Variants in SEMA6D observed in about 807,000 individuals in gnomAD.
The protein encoded by SEMA6D is semaphorin-6D.
A neutral mutation model predicts 106.6 loss-of-function variants in SEMA6D; 35 were observed. The observed-to-expected ratio is 0.33, with a 90% CI of 0.25 to 0.44. SEMA6D has a LOEUF of 0.44. Ranked by LOEUF, SEMA6D falls within the 20% of genes least tolerant of loss-of-function variation. SEMA6D has a pLI of 1.00. For synonymous variants in SEMA6D, 499 were observed against 487.7 expected, an observed-to-expected ratio of 1.02 and a Z score of -0.31; for missense variants, 1,185 against 1,345.9, an observed-to-expected ratio of 0.88 and a Z score of 1.87.
At chr15:47,274,845 C>T (rs1030643521) in intron 1 of SEMA6D, 2 of 152,186 alleles carry the variant, frequency 1.3e-5, no homozygotes, top group African/African-American at 4.8e-5. Flanking sequence ...ATGGTCCACT[C>T]TTTCAGCAGG....
chr15:47,213,274 G>A (rs1385398828), intron 1 of SEMA6D, among the ~76,000 whole-genome samples: 2 of 152,176 alleles, frequency 1.3e-5, no homozygotes, highest in African/African-American at 4.8e-5. Flanking sequence ...GGACAGCATT[G>A]CTCTTAAACA....
At chr15:47,455,510 C>T (rs1333498715) in intron 2 of SEMA6D, among the ~76,000 whole-genome samples, 1 of 151,902 alleles carries the variant, frequency 6.6e-6, no homozygotes, top group Admixed American at 6.6e-5. Flanking sequence ...CCGCTGCCTT[C>T]CATTGATACC....
chr15:47,583,667 C>A (rs1038281712), intron 3 of SEMA6D, among the ~76,000 whole-genome samples: 17 of 152,138 alleles, frequency 1.1e-4, no homozygotes, highest in Admixed American at 9.8e-4. Flanking sequence ...GGGCTCCATA[C>A]CCCAGCTGTC....
At chr15:47,290,572 A>C (rs2035553820) in intron 1 of SEMA6D, among the ~76,000 whole-genome samples, 1 of 151,986 alleles carries the variant, frequency 6.6e-6, no homozygotes, top group South Asian at 2.1e-4. Context: ...ATATCACCGG[A>C]AATGATTTAT....
intron 4 of SEMA6D, among the ~76,000 whole-genome samples, chr15:47,691,849 T>TA (rs5812407): frequency 0.027 from 3,849 of 144,556 alleles, 174 homozygotes; most frequent in African/African-American, 0.093. Flanking sequence ...GAAAAGACAG[T>TA]AAAAAAAAAA....
chr15:47,564,619 T>A (rs1360576634), intron 3 of SEMA6D, among the ~76,000 whole-genome samples: 1 of 152,190 alleles, frequency 6.6e-6, no homozygotes, highest in Non-Finnish European at 1.5e-5. Context: ...GATTACAGGA[T>A]GCTAGCCTAG....
chr15:47,335,494 T>C (rs1423546483), intron 1 of SEMA6D, among the ~76,000 whole-genome samples: 1 of 152,112 alleles, frequency 6.6e-6, no homozygotes, highest in Non-Finnish European at 1.5e-5. Flanking sequence ...ATGAAGCAGC[T>C]GATATGCTTC....
At chr15:47,522,499 A>G (rs2044618297) in intron 3 of SEMA6D, among the ~76,000 whole-genome samples, 1 of 152,190 alleles carries the variant, frequency 6.6e-6, no homozygotes, top group East Asian at 1.9e-4. Context: ...CAGGGTCTCA[A>G]TACACATTCA....
In SEMA6D at chr15:47,760,298, T is replaced by C. The variant is rs1447038732; in HGVS notation, c.110-6T>C. On this transcript the variant is annotated splice_polypyrimidine_tract_variant and splice_region_variant and intron_variant, in intron 2 of 18. Coordinates refer to ENST00000536845, the MANE Select transcript of SEMA6D (RefSeq NM_001358351.3). ...GAATGATGGTTTAGCCCATTTTTAC[T>C]TGCAGATTCAAGGCAATATCCGGTT... The C allele has an allele frequency of 6.2e-7, 1 of 1,606,210 alleles. No homozygotes were observed. The highest frequency in any genetic ancestry group is 8.5e-7 in the Non-Finnish European group (1 of 1,173,284).
At chr15:47,189,430 C>T (rs965996747) in intron 1 of SEMA6D, among the ~76,000 whole-genome samples, 9 of 152,050 alleles carry the variant, frequency 5.9e-5, no homozygotes, top group Admixed American at 5.2e-4. Flanking sequence ...AAGGGACCAC[C>T]CACAAAACTG....
intron 4 of SEMA6D, among the ~76,000 whole-genome samples, chr15:47,707,011 A>G (rs2078924801): frequency 6.6e-6 from 1 of 152,230 alleles, no homozygotes; most frequent in African/African-American, 2.4e-5. Flanking sequence ...TATATCCTAT[A>G]CATTTCAGGG....
At chr15:47,352,017 G>A (rs561622) in intron 1 of SEMA6D, among the ~76,000 whole-genome samples, 132,708 of 152,180 alleles carry the variant, frequency 0.87, 58,049 homozygotes, top group African/African-American at 0.88. Flanking sequence ...CTGTCCTCTT[G>A]CTGAAGGAGT....
At chr15:47,598,761 A>G (rs1258681783) in intron 3 of SEMA6D, among the ~76,000 whole-genome samples, 1 of 152,170 alleles carries the variant, frequency 6.6e-6, no homozygotes, top group Non-Finnish European at 1.5e-5. Context: ...AGGAATTTAC[A>G]GATCACCAAG....
At chr15:47,534,090 A>G (rs923158853) in intron 3 of SEMA6D, among the ~76,000 whole-genome samples, 12 of 152,148 alleles carry the variant, frequency 7.9e-5, no homozygotes, top group African/African-American at 2.9e-4. Flanking sequence ...CAGGGTGCCT[A>G]TCACCTGGAA....
rs185189997 is a variant in SEMA6D at position 47,450,548 on chromosome 15, A to C, written c.-158-19926A>C. On this transcript the variant is annotated intron_variant, in intron 2 of 19. Coordinates refer to the SEMA6D transcript ENST00000558014. ...AAACTGGCTTCTTCAAACTGTTTAC[A>C]GTAATGTCAGGGCATTTCTCAGTTT... Among the ~76,000 whole-genome samples the C allele has an allele frequency of 2.9e-3, 445 of 152,222 alleles. 1 individual carries two copies. Among genetic ancestry groups the C allele is most frequent in the Admixed American group, 5.0e-3 (76 of 15,272 alleles).
chr15:47,712,953 G>A (rs946147822), upstream of SEMA6D, among the ~76,000 whole-genome samples: 18 of 152,038 alleles, frequency 1.2e-4, no homozygotes, highest in African/African-American at 2.4e-4. Context: ...CAAAAAGTTC[G>A]TTTTGCTTCT....
intron 3 of SEMA6D, among the ~76,000 whole-genome samples, chr15:47,502,531 G>GA (rs1194488152): frequency 2.0e-5 from 3 of 152,076 alleles, no homozygotes; most frequent in African/African-American, 4.8e-5. Context: ...AGTGCAAATG[G>GA]AAAAAACATT....
At chr15:47,399,137 T>A (rs2040315270) in intron 1 of SEMA6D, among the ~76,000 whole-genome samples, 1 of 152,012 alleles carries the variant, frequency 6.6e-6, no homozygotes, top group Non-Finnish European at 1.5e-5. Flanking sequence ...AAAAAGAAAA[T>A]CTCCTTTCAG....
chr15:47,740,121 A>T (rs2080713643), intron 1 of SEMA6D, among the ~76,000 whole-genome samples: 1 of 152,144 alleles, frequency 6.6e-6, no homozygotes, highest in South Asian at 2.1e-4. Context: ...TGGTGAGAGG[A>T]TGGCCATCAT....
Sources: gnomAD v4.1 joint callset for allele counts (sites outside exome capture counted in the v4.1 genomes callset) on GRCh38, gnomAD v4.1.1 for gene constraint, MANE v1.5 for transcripts, NCBI Gene and HGNC (gene_info 2026-07-23, HGNC 2026-07-21) for gene names.